Variants in TP53AIP1 observed in about 807,000 individuals in gnomAD.
TP53AIP1 encodes tumor protein p53 regulated apoptosis inducing protein 1.
TP53AIP1 carries 14 observed loss-of-function variants against 9.5 expected under a neutral mutation model. The observed-to-expected ratio is 1.47, with a 90% CI of 0.97 to 2.30. The LOEUF (loss-of-function observed/expected upper bound fraction) is 2.30, where lower values mean the gene tolerates loss of function less well. TP53AIP1 is among the 30% of genes most tolerant of loss of function. The pLI, the probability that TP53AIP1 is intolerant of heterozygous loss-of-function variation, is 0.00. For missense variants in TP53AIP1, 153 were observed against 146.7 expected (o/e 1.04, Z -0.22); for synonymous variants, 73 against 61.2 (o/e 1.19, Z -0.90).
chr11:128,935,497 T>G lies in TP53AIP1; in HGVS notation c.*94A>C. The G allele has an allele frequency of 6.8e-7, 1 of 1,469,918 alleles. No homozygotes were observed. 91.1% of individuals were successfully genotyped at this position (1,469,918 alleles called of 1,614,324 possible). ...GCCGCTAGTCAGCGCTGGAGCCATT[T>G]CTCGACGGTGCTTTCTGTTTGTTTG... is the stretch of plus-strand genomic sequence containing the variant. On this transcript the variant is annotated 3_prime_UTR_variant, in exon 4 of 4. Transcript: ENST00000531399.
In TP53AIP1 at chr11:128,939,032, G is replaced by A. The variant is rs2846690; in HGVS notation, c.-76-1138C>T. ...GCGGTGACCACGCTAAGTACTGTGCGTGTACCATTTCTCGGAATACTTCCT... is the reference window on the plus strand; with the variant it reads ...GCGGTGACCACGCTAAGTACTGTGCATGTACCATTTCTCGGAATACTTCCT... On this transcript the variant is annotated intron_variant, in intron 1 of 3. Coordinates refer to ENST00000531399, the MANE Select transcript of TP53AIP1 (RefSeq NM_022112.3). The surrounding 1 kb of genome is among the most constrained non-coding windows in gnomAD (Gnocchi z 4.1). Among the ~76,000 whole-genome samples the A allele has an allele frequency of 0.27, 40,769 of 152,036 alleles. 5,510 individuals carry two copies. The highest frequency in any genetic ancestry group is 0.4 in the South Asian group (1,904 of 4,816).
chr11:128,942,198 G>C (rs1197777511), intron 1 of TP53AIP1, among the ~76,000 whole-genome samples: 1 of 152,180 alleles, frequency 6.6e-6, no homozygotes, highest in Non-Finnish European at 1.5e-5. Context: ...GGTGAACCCT[G>C]CCATGACATG....
chr11:128,939,893 G>A lies in TP53AIP1; in HGVS notation c.-76-1999C>T, dbSNP rs138860547. On this transcript the variant is annotated intron_variant, in intron 1 of 3. Coordinates refer to ENST00000531399, the MANE Select transcript of TP53AIP1 (RefSeq NM_022112.3). This position sits in a 1 kb window ranked among gnomAD's most constrained non-coding sequence, Gnocchi z 4.1. Reference sequence around the variant, plus strand: ...CTATTTCCTGTTTGAAAAGTGAAGCGTTAACACGAAGGAGGGTCCCAGCGG... The same window carrying A: ...CTATTTCCTGTTTGAAAAGTGAAGCATTAACACGAAGGAGGGTCCCAGCGG... 8.8e-4 allele frequency among the ~76,000 whole-genome samples: 134 copies of A among 152,316 alleles called. No homozygotes were observed. Among genetic ancestry groups the A allele is most frequent in the African/African-American group, 3.2e-3 (131 of 41,566 alleles).
chr11:128,936,009 C>G, intron 3 of TP53AIP1: 1 of 854,326 alleles, frequency 1.2e-6, no homozygotes, highest in Non-Finnish European at 1.5e-6. Flanking sequence ...CTTAGCATTT[C>G]ATATCTATCA....
chr11:128,934,972 C>T (rs1029330420), downstream of TP53AIP1: 2 of 702,730 alleles, frequency 2.8e-6, no homozygotes, highest in African/African-American at 1.7e-5. Flanking sequence ...TTAAGGGTTG[C>T]CCTGGGGCTT....
At chr11:128,936,849 G>A (rs1170289238) in intron 2 of TP53AIP1, 200 bp from the exon 3 acceptor site, 4 of 1,405,234 alleles carry the variant, frequency 2.8e-6, no homozygotes, top group Non-Finnish European at 3.7e-6. Flanking sequence ...GGTCAGTGGT[G>A]CAAAGGACAT....
rs1424727053 is a variant in TP53AIP1, at chr11:128,937,457, G to T, written c.141+221C>A. ...ACCCAGGATTCCGAGGAGGAGGAGG[G>T]CTGGCCTTCCTCTTGGGACTATTGA... On this transcript the variant is annotated intron_variant, in intron 2 of 3. Coordinates refer to ENST00000531399, the MANE Select transcript of TP53AIP1 (RefSeq NM_022112.3). The surrounding 1 kb of genome is among the most constrained non-coding windows in gnomAD (Gnocchi z 4.8). 3 of 1,513,154 alleles carry T rather than the reference G, an allele frequency of 2.0e-6. No homozygotes were observed. The highest frequency in any genetic ancestry group is 1.8e-6 in the Non-Finnish European group (2 of 1,130,006). The allele number at this position is 1,513,154 out of a possible 1,614,324, so 93.7% of individuals were successfully genotyped here. A position where few individuals can be genotyped will look rare whatever the true frequency, so the allele number is the denominator to read the frequency against.
intron 1 of TP53AIP1, among the ~76,000 whole-genome samples, chr11:128,940,231 TGGAA>T (rs889073535): frequency 6.6e-6 from 1 of 152,094 alleles, no homozygotes; most frequent in African/African-American, 2.4e-5. Flanking sequence ...GAGCTGGCAT[TGGAA>T]GGGAGAGATG....
chr11:128,942,459 T>C (rs1048698988), intron 1 of TP53AIP1, among the ~76,000 whole-genome samples: 4 of 152,182 alleles, frequency 2.6e-5, no homozygotes, highest in African/African-American at 9.7e-5. Context: ...CAAGTGTGGC[T>C]CAGGACGCAC....
chr11:128,938,494 C>T (rs559098113), intron 1 of TP53AIP1, among the ~76,000 whole-genome samples: 6 of 152,330 alleles, frequency 3.9e-5, no homozygotes, highest in Admixed American at 2.0e-4. Flanking sequence ...CTGGGTATCA[C>T]GGTCCCTCAA....
At chr11:128,935,859 AT>A in intron 3 of TP53AIP1, 147 bp from the exon 4 acceptor site, 1 of 1,353,180 alleles carries the variant, frequency 7.4e-7, no homozygotes, top group South Asian at 2.2e-5. Context: ...GCACATCATT[AT>A]TCTATCTCCC....
downstream of TP53AIP1, chr11:128,935,236 G>C (rs1944787930): frequency 7.2e-7 from 1 of 1,388,220 alleles, no homozygotes; most frequent in Non-Finnish European, 9.6e-7. Flanking sequence ...TGCATACTGG[G>C]AGTGCCCTCG....
intron 1 of TP53AIP1, among the ~76,000 whole-genome samples, chr11:128,938,981 A>G (rs927728252): frequency 4.6e-5 from 7 of 152,092 alleles, no homozygotes; most frequent in Non-Finnish European, 8.8e-5. Flanking sequence ...GTCAATTCGG[A>G]CCAGTTTGGT....
Position 128,936,519 on chromosome 11 carries a change from C to A in TP53AIP1, c.253+19G>T, listed in dbSNP as rs762978900. ...ATCACGGCCCACACCCATGAATTCA[C>A]TAAGTAATTATCACACACCTGTCAG... On this transcript the variant is annotated intron_variant, in intron 3 of 3. Transcript: ENST00000531399. The A allele has an allele frequency of 2.6e-6, 4 of 1,544,978 alleles. No individual in the cohort carries two copies. The highest frequency in any genetic ancestry group is 3.5e-6 in the Non-Finnish European group (4 of 1,153,298).
At chr11:128,940,030 C>T (rs569367171) in intron 1 of TP53AIP1, among the ~76,000 whole-genome samples, 2 of 152,162 alleles carry the variant, frequency 1.3e-5, no homozygotes, top group African/African-American at 2.4e-5. Context: ...ACCCAGCCCC[C>T]CCTTGCTCCA....
chr11:128,936,353 TAAATA>T, intron 3 of TP53AIP1, 180 bp downstream of exon 3: 1 of 1,386,398 alleles, frequency 7.2e-7, no homozygotes, highest in Non-Finnish European at 9.3e-7. Flanking sequence ...TTTGAGAAAT[TAAATA>T]AAATACATCC....
In TP53AIP1 at chr11:128,937,936, G is replaced by C; in HGVS notation, c.-76-42C>G. 1 of 1,076,994 alleles carries C rather than the reference G, an allele frequency of 9.3e-7. No individual in the cohort carries two copies. Among genetic ancestry groups the C allele is most frequent in the African/African-American group, 1.6e-5 (1 of 62,650 alleles). 66.7% of individuals were successfully genotyped at this position (1,076,994 alleles called of 1,614,324 possible). The stretch of plus-strand genomic sequence containing the variant: ...CAGGCTATGAACAGAAGCAGTGGTG[G>C]CAGCGCTGGGCCAGCAATGATGATT... On this transcript the variant is annotated intron_variant, in intron 1 of 3. Transcript: ENST00000531399. The surrounding 1 kb of genome is among the most constrained non-coding windows in gnomAD (Gnocchi z 4.8).
At chr11:128,936,898 C>T (rs764094862) in intron 2 of TP53AIP1, 7 of 1,291,882 alleles carry the variant, frequency 5.4e-6, no homozygotes, top group Non-Finnish European at 6.9e-6. Context: ...GCCCAAAGAA[C>T]AGACATAAAC....
intron 1 of TP53AIP1, among the ~76,000 whole-genome samples, chr11:128,942,568 G>GT (rs1269125495): frequency 6.6e-6 from 1 of 152,166 alleles, no homozygotes; most frequent in Non-Finnish European, 1.5e-5. Flanking sequence ...GTGTGTTTTC[G>GT]TAAGTCCTCC....
Sources: allele counts gnomAD v4.1 joint callset (sites outside exome capture counted in the v4.1 genomes callset), GRCh38; gene constraint gnomAD v4.1.1; non-coding constraint Gnocchi (gnomAD v3.1); transcripts MANE v1.5; gene names NCBI Gene and HGNC (gene_info 2026-07-23, HGNC 2026-07-21).